RNF213: variants seen among roughly 807,000 people sequenced by gnomAD.
RNF213 encodes ring finger protein 213.
A neutral mutation model predicts 514.4 loss-of-function variants in RNF213; 341 were observed. The observed-to-expected ratio is 0.66, with a 90% CI of 0.61 to 0.73. The LOEUF is 0.73. RNF213 is among the 30% of genes least tolerant of loss of function. The pLI is 0.00. For missense variants in RNF213, 5,767 were observed against 6,615.6 expected (o/e 0.87, Z 4.45); for synonymous variants, 2,655 against 2,658.2 (o/e 1.00, Z 0.04).
intron 41 of RNF213, 87 bp downstream of exon 41, chr17:80,363,877 C>T (rs1208558468): frequency 1.3e-5 from 17 of 1,317,290 alleles, no homozygotes; most frequent in African/African-American, 8.7e-5. Flanking sequence ...CATGAGAAGA[C>T]GGGCAGGTGC....
chr17:80,317,478 GAGA>G lies in RNF213; in HGVS notation c.2901+206_2901+208del, dbSNP rs2045986463. 6.6e-6 allele frequency among the ~76,000 whole-genome samples: 1 copy of G among 152,304 alleles called. No individual in the cohort carries two copies. The highest frequency in any genetic ancestry group is 1.9e-4 in the East Asian group (1 of 5,178). ...GCTTCGGAGTCTTACTGAGAGGACA[GAGA>G]AGAACAAGGGCCCAGGATCTCACCA... On this transcript the variant is annotated intron_variant, in intron 16 of 67. Transcript: ENST00000582970. This position sits in a 1 kb window ranked among gnomAD's most constrained non-coding sequence, Gnocchi z 4.1.
chr17:80,330,029 A>C (rs762003841), intron 20 of RNF213, among the ~76,000 whole-genome samples: 3 of 151,980 alleles, frequency 2.0e-5, no homozygotes, highest in Admixed American at 1.3e-4. Flanking sequence ...CGGATTTTCT[A>C]TCTCTGTTTT....
chr17:80,267,051 T>C (rs1274960164), intron 2 of RNF213, among the ~76,000 whole-genome samples: 1 of 152,002 alleles, frequency 6.6e-6, no homozygotes, highest in African/African-American at 2.4e-5. Flanking sequence ...ACCCCGTCTC[T>C]ACTAAAAATG....
At chr17:80,338,648 TAAAAA>T (rs35242451) in intron 25 of RNF213, among the ~76,000 whole-genome samples, 4 of 147,598 alleles carry the variant, frequency 2.7e-5, no homozygotes, top group Middle Eastern at 3.5e-3. Flanking sequence ...TTTTCCCAAT[TAAAAA>T]AAAAAGATAA....
rs1286680063 is a variant in RNF213, at chr17:80,381,688, C to T, written c.13939C>T (p.Arg4647Cys). ...ETIGVVHLVLRRLLQEQHQLS... is the reference protein window; with the variant it reads ...ETIGVVHLVLCRLLQEQHQLS... ...CATCGGCGTGGTCCACCTCGTCCTG[C>T]GCAGGCTTCTCCAAGAGCAGCACCA... The change falls in exon 57 of 68, where the codon CGC becomes TGC. Residue 4647 changes from arginine to cysteine, a missense_variant. Arg to Cys is a radical substitution (Grantham distance 180). Around this residue, in one of 13 missense-constraint regions of RNF213, gnomAD observed 1,245 missense variants for 1,339.0 expected, o/e 0.93. Coordinates refer to ENST00000582970, the MANE Select transcript of RNF213 (RefSeq NM_001256071.3). 6.8e-6 allele frequency: 11 copies of T among 1,613,950 alleles called. No homozygotes were observed. The highest frequency in any genetic ancestry group is 5.0e-5 in the Admixed American group (3 of 60,006).
At chr17:80,272,727 T>C (rs555372277) in intron 2 of RNF213, among the ~76,000 whole-genome samples, 1 of 152,214 alleles carries the variant, frequency 6.6e-6, no homozygotes, top group East Asian at 1.9e-4. Flanking sequence ...GAGTGGGTGC[T>C]CCATGCTGTC....
intron 36 of RNF213, among the ~76,000 whole-genome samples, chr17:80,358,014 C>T (rs935791332): frequency 6.6e-6 from 1 of 152,120 alleles, no homozygotes; most frequent in African/African-American, 2.4e-5. Flanking sequence ...AAAAAGCAAA[C>T]ACTACTTCAC....
chr17:80,377,437 C>CA lies in RNF213; in HGVS notation c.13511-312dup, dbSNP rs5822350. Among the ~76,000 whole-genome samples, 65,762 of 143,128 alleles carry CA rather than the reference C, an allele frequency of 0.46. 15,199 individuals carry two copies. The highest frequency in any genetic ancestry group is 0.55 in the Middle Eastern group (153 of 278). 93.9% of individuals were successfully genotyped at this position (143,128 alleles called of 152,430 possible). ...AAGTTGTTATAAAATATGCTCATGA[C>CA]AAAAAAAAAAAAATCAAGGAAAATA... On this transcript the variant is annotated intron_variant, in intron 53 of 67. Coordinates refer to ENST00000582970, the MANE Select transcript of RNF213 (RefSeq NM_001256071.3). This position sits in a 1 kb window ranked among gnomAD's most constrained non-coding sequence, Gnocchi z 4.1.
chr17:80,288,074 T>G lies in RNF213; in HGVS notation c.521T>G (p.Leu174Arg), dbSNP rs765643647. 1 of 1,608,786 alleles carries G rather than the reference T, an allele frequency of 6.2e-7. No individual in the cohort carries two copies. The highest frequency in any genetic ancestry group is 2.2e-5 in the East Asian group (1 of 44,736). ...SAPTEVGDSP[L>R]QAQALGEAGV... ...CCCACCGAGGTTGGCGACAGCCCCC[T>G]GCAGGCCCAGGCTTTGGGAGAGGCA... Residue 174 changes from leucine to arginine, a missense_variant, in exon 4 of 68, where the codon CTG (leucine) becomes CGG (arginine). Leu to Arg is a moderately radical substitution (Grantham distance 102). Transcript: ENST00000582970. The surrounding 1 kb of genome is among the most constrained non-coding windows in gnomAD (Gnocchi z 4.9).
chr17:80,384,246 C>G (rs2080139811), intron 59 of RNF213, among the ~76,000 whole-genome samples: 2 of 152,296 alleles, frequency 1.3e-5, no homozygotes, highest in South Asian at 4.1e-4. Context: ...TCTTTCCCAG[C>G]CGCTCTGTTC....
chr17:80,361,709 C>A (rs374022486), intron 38 of RNF213, 25 bp from the exon 39 acceptor site: 573 of 1,610,658 alleles, frequency 3.6e-4, no homozygotes, highest in Non-Finnish European at 4.7e-4. Context: ...GCACTCCAGG[C>A]CGCTCCTTGG....
intron 14 of RNF213, among the ~76,000 whole-genome samples, chr17:80,312,221 G>A (rs2045595646): frequency 1.3e-5 from 2 of 152,230 alleles, no homozygotes; most frequent in Non-Finnish European, 2.9e-5. Flanking sequence ...CCTGACCCCT[G>A]ACCTGTATGC....
Position 80,397,816 on chromosome 17 carries a change from AATGG to A in RNF213, c.*4323_*4326del, listed in dbSNP as rs1378611438. The A allele has an allele frequency of 6.7e-6, 1 of 150,064 alleles. No homozygotes were observed. The highest frequency in any genetic ancestry group is 1.5e-5 in the Non-Finnish European group (1 of 67,740). The allele number at this position is 150,064 out of a possible 1,614,324, so 9.3% of individuals were successfully genotyped here. A position where few individuals can be genotyped will look rare whatever the true frequency, so the allele number is the denominator to read the frequency against. ...TCCCTGACCAGGAATCTAGGTGATT[AATGG>A]ATGGTTGAGGCAGCCCCTCAGACGG... On this transcript the variant is annotated 3_prime_UTR_variant, in exon 68 of 68. Transcript: ENST00000582970.
intron 2 of RNF213, among the ~76,000 whole-genome samples, chr17:80,272,786 C>T (rs573909784): frequency 1.1e-4 from 17 of 152,242 alleles, no homozygotes; most frequent in Middle Eastern, 3.4e-3. Flanking sequence ...AGCAGCTGGG[C>T]GGGCAGATGC....
intron 20 of RNF213, 39 bp downstream of exon 20, chr17:80,328,516 A>G: frequency 6.5e-7 from 1 of 1,535,198 alleles, no homozygotes; most frequent in Non-Finnish European, 8.7e-7. Flanking sequence ...GAGGGCTCTC[A>G]AAGGGTTAGA....
In RNF213 at chr17:80,288,458, G is replaced by T; in HGVS notation, c.810+95G>T. 1.9e-6 allele frequency: 3 copies of T among 1,594,140 alleles called. No individual in the cohort carries two copies. Among genetic ancestry groups the T allele is most frequent in the Non-Finnish European group, 2.6e-6 (3 of 1,168,260 alleles). On this transcript the variant is annotated intron_variant, in intron 4 of 67. Coordinates refer to ENST00000582970, the MANE Select transcript of RNF213 (RefSeq NM_001256071.3). This position sits in a 1 kb window ranked among gnomAD's most constrained non-coding sequence, Gnocchi z 4.9. ...GCTGGCGTTGCTTCCCTGCCGGGGG[G>T]AGGGGCGTCCTCTGGGCCCTGCTCC...
chr17:80,295,149 T>A, intron 9 of RNF213, 146 bp downstream of exon 9: 1 of 968,898 alleles, frequency 1.0e-6, no homozygotes, highest in East Asian at 2.6e-5. Flanking sequence ...CCACTGTCTC[T>A]TGGGATTTCT....
In RNF213 at chr17:80,317,075, G is replaced by A. The variant is rs987038325; in HGVS notation, c.2812-113G>A. 22 of 1,143,484 alleles carry A rather than the reference G, an allele frequency of 1.9e-5. No individual in the cohort carries two copies. The Middle Eastern group carries it at 1.1e-3, about 57-fold the overall frequency. 70.8% of individuals were successfully genotyped at this position (1,143,484 alleles called of 1,614,324 possible). ...AAGGTTGGGGAGAGCCCTGGTGTTC[G>A]CGGAGTCCCGCGCTCTCTGTATTGC... On this transcript the variant is annotated intron_variant, in intron 15 of 67. Coordinates refer to ENST00000582970, the MANE Select transcript of RNF213 (RefSeq NM_001256071.3). This position sits in a 1 kb window ranked among gnomAD's most constrained non-coding sequence, Gnocchi z 4.1.
At chr17:80,323,284 C>T (rs1168788420) in intron 17 of RNF213, among the ~76,000 whole-genome samples, 1 of 152,154 alleles carries the variant, frequency 6.6e-6, no homozygotes, top group Admixed American at 6.5e-5. Context: ...TTTGGACTAC[C>T]ATTGCTTTCT....
Sources: allele counts gnomAD v4.1 joint callset (sites outside exome capture counted in the v4.1 genomes callset), GRCh38; gene constraint gnomAD v4.1.1; regional missense constraint gnomAD v4.1.1; non-coding constraint Gnocchi (gnomAD v3.1); transcripts MANE v1.5; gene names NCBI Gene and HGNC (gene_info 2026-07-23, HGNC 2026-07-21).